GRIN2B: variants seen among roughly 807,000 people sequenced by gnomAD.
GRIN2B encodes the protein glutamate receptor ionotropic, NMDA 2B.
In GRIN2B, 5 loss-of-function variants were observed where a neutral mutation model predicts 114.5. That is an observed-to-expected ratio of 0.04 (90% CI 0.02 to 0.09). GRIN2B has a LOEUF of 0.09. GRIN2B is among the 10% of genes least tolerant of loss of function. GRIN2B has a pLI of 1.00. For missense variants in GRIN2B, 1,108 were observed against 1,943.5 expected, an observed-to-expected ratio of 0.57 and a Z score of 8.08; for synonymous variants, 787 against 745.1, an observed-to-expected ratio of 1.06 and a Z score of -0.92.
intron 3 of GRIN2B, among the ~76,000 whole-genome samples, chr12:13,802,891 C>T (rs1591740447): frequency 6.6e-6 from 1 of 152,160 alleles, no homozygotes; most frequent in South Asian, 2.1e-4. Context: ...TAAAGTGATA[C>T]AGTTAACTCG....
At chr12:13,926,854 G>C (rs1238588963) in intron 2 of GRIN2B, among the ~76,000 whole-genome samples, 1 of 152,016 alleles carries the variant, frequency 6.6e-6, no homozygotes, top group Non-Finnish European at 1.5e-5. Context: ...TTAGGAGGCT[G>C]AGGCAGGAGA....
At chr12:13,737,685 A>G (rs898689957) in intron 4 of GRIN2B, among the ~76,000 whole-genome samples, 4 of 152,208 alleles carry the variant, frequency 2.6e-5, no homozygotes, top group Non-Finnish European at 5.9e-5. Flanking sequence ...AGATAGGTGG[A>G]TGAGTGGAAG....
chr12:13,723,705 T>C (rs1240743608), intron 4 of GRIN2B, among the ~76,000 whole-genome samples: 3 of 152,072 alleles, frequency 2.0e-5, no homozygotes, highest in Non-Finnish European at 1.5e-5. Flanking sequence ...CTGTGGTGGA[T>C]TGGGATAAGC....
chr12:13,679,921 G>C (rs1950112204), intron 4 of GRIN2B, among the ~76,000 whole-genome samples: 1 of 152,106 alleles, frequency 6.6e-6, no homozygotes, highest in African/African-American at 2.4e-5. Context: ...AAATGAAAGA[G>C]TGGATAGGAA....
rs999511117 is a variant in GRIN2B, at chr12:13,555,696, A to G, written c.*7087T>C. Reference sequence around the variant, plus strand: ...AGAGGACAGCATATGTGAGGATTCAATAATCAGATTTTCTTGCAAACACAG... The same window carrying G: ...AGAGGACAGCATATGTGAGGATTCAGTAATCAGATTTTCTTGCAAACACAG... On this transcript the variant is annotated 3_prime_UTR_variant, in exon 14 of 14. Coordinates refer to ENST00000609686, the MANE Select transcript of GRIN2B (RefSeq NM_000834.5). 1 of 152,210 alleles carries G rather than the reference A, an allele frequency of 6.6e-6. No homozygotes were observed. Among genetic ancestry groups the G allele is most frequent in the Non-Finnish European group, 1.5e-5 (1 of 68,040 alleles). The allele number at this position is 152,210 out of a possible 1,614,324, so 9.4% of individuals were successfully genotyped here.
At chr12:13,916,737 T>G (rs145464192) in intron 2 of GRIN2B, among the ~76,000 whole-genome samples, 64,733 of 139,674 alleles carry the variant, frequency 0.46, 15,103 homozygotes, top group South Asian at 0.55. Context: ...ACACACACAT[T>G]TGTGTGTGTG....
At chr12:13,609,244 C>T (rs149631733) in intron 9 of GRIN2B, among the ~76,000 whole-genome samples, 8 of 152,256 alleles carry the variant, frequency 5.3e-5, no homozygotes, top group Non-Finnish European at 1.0e-4. Context: ...TTGTATCTAC[C>T]AAGAATGCAT....
chr12:13,725,166 A>G lies in GRIN2B; in HGVS notation c.1010+28151T>C, dbSNP rs527365913. On this transcript the variant is annotated intron_variant, in intron 4 of 13. Coordinates refer to ENST00000609686, the MANE Select transcript of GRIN2B (RefSeq NM_000834.5). ...TATTTCTCAGCACACCGTTGTCACT[A>G]TCTAGCCTCAGGATAATAGTGTCCC... Among the ~76,000 whole-genome samples, 6 of 152,228 alleles carry G rather than the reference A, an allele frequency of 3.9e-5. No homozygotes were observed. The South Asian group carries it at 1.2e-3, about 32-fold the overall frequency.
chr12:13,952,310 G>T (rs1373954232), intron 2 of GRIN2B, among the ~76,000 whole-genome samples: 2 of 152,154 alleles, frequency 1.3e-5, no homozygotes, highest in African/African-American at 2.4e-5. Flanking sequence ...AACAGTCCCC[G>T]TTGTGTTAAT....
At chr12:13,593,342 C>A (rs1268113114) in intron 10 of GRIN2B, among the ~76,000 whole-genome samples, 4 of 152,138 alleles carry the variant, frequency 2.6e-5, no homozygotes, top group Non-Finnish European at 5.9e-5. Flanking sequence ...GGTACCAAAA[C>A]AGATATATAG....
chr12:13,962,370 G>A (rs559305037), intron 2 of GRIN2B, among the ~76,000 whole-genome samples: 3 of 152,106 alleles, frequency 2.0e-5, no homozygotes, highest in Admixed American at 2.0e-4. Context: ...GAAACAGAAG[G>A]GCTTCACAAA....
chr12:13,825,493 A>ATATATATTTTT (rs1555144006), intron 3 of GRIN2B, among the ~76,000 whole-genome samples: 2 of 28,132 alleles, frequency 7.1e-5, no homozygotes, highest in Non-Finnish European at 7.6e-5. Flanking sequence ...ATATATATAT[A>ATATATATTTTT]TTTTGTGTGT....
At position 13,962,035 on chromosome 12, in the gene GRIN2B, C is replaced by T. The variant is rs553170827; in HGVS notation, c.-19+17893G>A. On this transcript the variant is annotated intron_variant, in intron 2 of 13. Transcript: ENST00000609686. ...TGAATATACCCTAAAGTTCTTATAC[C>T]CTGTGAAGAAATGGTTTTTCATTTG... Among the ~76,000 whole-genome samples the T allele has an allele frequency of 1.2e-4, 18 of 151,202 alleles. No individual in the cohort carries two copies. The South Asian group carries it at 3.8e-3, about 32-fold the overall frequency.
intron 3 of GRIN2B, among the ~76,000 whole-genome samples, chr12:13,833,717 A>G (rs1438274810): frequency 6.6e-6 from 1 of 152,168 alleles, no homozygotes; most frequent in Non-Finnish European, 1.5e-5. Flanking sequence ...AACAGCCCCC[A>G]CTTCACTCCC....
At chr12:13,732,591 T>C (rs147677146) in intron 4 of GRIN2B, among the ~76,000 whole-genome samples, 47 of 152,318 alleles carry the variant, frequency 3.1e-4, no homozygotes, top group African/African-American at 1.1e-3. Flanking sequence ...ATGTGAGACA[T>C]GTAATCATAT....
At chr12:13,820,534 T>C (rs1283333258) in intron 3 of GRIN2B, among the ~76,000 whole-genome samples, 1 of 152,212 alleles carries the variant, frequency 6.6e-6, no homozygotes. Context: ...ACCCCTGTTA[T>C]AGTACTCAAT....
chr12:13,661,630 T>A (rs1194556959), intron 5 of GRIN2B, among the ~76,000 whole-genome samples: 2 of 152,156 alleles, frequency 1.3e-5, no homozygotes, highest in Non-Finnish European at 2.9e-5. Context: ...TTCGAACTCA[T>A]CCGTGTTCTA....
intron 2 of GRIN2B, among the ~76,000 whole-genome samples, chr12:13,915,181 T>C (rs1866693356): frequency 6.6e-6 from 1 of 152,198 alleles, no homozygotes; most frequent in Non-Finnish European, 1.5e-5. Context: ...AATATGTACA[T>C]CTATTGTGTA....
chr12:13,786,107 T>C (rs220550), intron 3 of GRIN2B, among the ~76,000 whole-genome samples: 147,038 of 152,266 alleles, frequency 0.97, 71,231 homozygotes, highest in Middle Eastern at 1. Context: ...GTCTCTCCAG[T>C]AAAGCTTGAG....
Sources: allele counts gnomAD v4.1 joint callset (sites outside exome capture counted in the v4.1 genomes callset), GRCh38; gene constraint gnomAD v4.1.1; transcripts MANE v1.5; gene names NCBI Gene and HGNC (gene_info 2026-07-23, HGNC 2026-07-21).